The following ERAP1 variants were observed in gnomAD, a reference collection of about 807,000 sequenced individuals.
ERAP1 encodes adipocyte-derived leucine aminopeptidase.
A neutral mutation model predicts 103.7 loss-of-function variants in ERAP1; 86 were observed. That is an observed-to-expected ratio of 0.83 (90% confidence interval 0.70 to 0.99). ERAP1 has a LOEUF of 0.99. Among genes scored for constraint, ERAP1 ranks in the 50% least tolerant of loss-of-function variants. The pLI is 0.00. For synonymous variants in ERAP1, 398 were observed against 402.4 expected, an observed-to-expected ratio of 0.99 and a Z score of 0.13; for missense variants, 1,009 against 1,128.4, an observed-to-expected ratio of 0.89 and a Z score of 1.52.
At chr5:96,918,195 T>C in the ERAP1 span, 1 of 152,376 alleles carries the variant, frequency 6.6e-6, no homozygotes, top group Non-Finnish European at 1.5e-5. Flanking sequence ...TATGTGGAGA[T>C]ACAGACATAG....
At chr5:96,886,166 A>C in the ERAP1 span, among the ~76,000 whole-genome samples, 4 of 152,194 alleles carry the variant, frequency 2.6e-5, no homozygotes, top group African/African-American at 7.2e-5. Context: ...CTGAGAAACA[A>C]CACCAACCTC....
At chr5:96,858,216 TC>T in the ERAP1 span, among the ~76,000 whole-genome samples, 573 of 145,536 alleles carry the variant, frequency 3.9e-3, 3 homozygotes, top group Non-Finnish European at 5.3e-3. Context: ...TTGTTCTTCT[TC>T]TTTTTTTTTT....
the ERAP1 span, among the ~76,000 whole-genome samples, chr5:96,856,349 A>AAAAAAATATATATATAT: frequency 1.2e-4 from 1 of 8,538 alleles, no homozygotes; most frequent in African/African-American, 3.6e-4. Flanking sequence ...AAAAAAAAAA[A>AAAAAAATATATATATAT]ATATATATAT....
the ERAP1 span, among the ~76,000 whole-genome samples, chr5:96,908,658 C>T: frequency 8.5e-5 from 13 of 152,142 alleles, no homozygotes. Context: ...TAACCTTTTG[C>T]TATGTGGTAG....
chr5:96,886,607 G>A, the ERAP1 span: 5 of 1,440,608 alleles, frequency 3.5e-6, no homozygotes, highest in South Asian at 6.4e-5. Context: ...GCATGGTTAT[G>A]AAATACTCCA....
At chr5:96,881,575 G>A in the ERAP1 span, 1 of 441,424 alleles carries the variant, frequency 2.3e-6, no homozygotes, top group Non-Finnish European at 4.6e-6. Context: ...AACCACACAG[G>A]GGCATATTTT....
the ERAP1 span, chr5:96,912,713 C>G: frequency 1.2e-4 from 193 of 1,604,516 alleles, no homozygotes; most frequent in Non-Finnish European, 1.5e-4. Context: ...CCTTTTAGAG[C>G]AATATGAACT....
chr5:96,794,055 C>G, intron 5 of ERAP1, 98 bp from the exon 6 acceptor site: 1 of 1,223,174 alleles, frequency 8.2e-7, no homozygotes, highest in Non-Finnish European at 1.2e-6. Context: ...ACCAGCTGCC[C>G]GTGCATAATC....
chr5:96,807,310 C>A (rs1177344577), intron 1 of ERAP1, among the ~76,000 whole-genome samples: 1 of 152,222 alleles, frequency 6.6e-6, no homozygotes, highest in East Asian at 1.9e-4. Context: ...CTTAAGAACA[C>A]ACACGGCCCG....
At chr5:96,878,213 A>G in the ERAP1 span, among the ~76,000 whole-genome samples, 1 of 119,240 alleles carries the variant, frequency 8.4e-6, no homozygotes, top group African/African-American at 3.3e-5. Flanking sequence ...GTGTAAAGGG[A>G]AAAGAACCGA....
At chr5:96,887,101 A>ATG in the ERAP1 span, among the ~76,000 whole-genome samples, 2 of 21,566 alleles carry the variant, frequency 9.3e-5, no homozygotes, top group Non-Finnish European at 1.9e-4. Context: ...ATATATATAT[A>ATG]CACACACACA....
the ERAP1 span, among the ~76,000 whole-genome samples, chr5:96,914,723 G>A: frequency 6.6e-6 from 1 of 152,058 alleles, no homozygotes; most frequent in Non-Finnish European, 1.5e-5. Flanking sequence ...TAAAACATTG[G>A]GTTGAAGGAT....
upstream of ERAP1, chr5:96,807,977 C>T (rs947677049): frequency 3.0e-6 from 3 of 985,666 alleles, no homozygotes; most frequent in South Asian, 1.4e-4. Flanking sequence ...TGGCGCTGAG[C>T]GGCGCTTCGG....
chr5:96,786,789 C>T, intron 11 of ERAP1: 1 of 476,380 alleles, frequency 2.1e-6, no homozygotes, highest in South Asian at 2.2e-5. Flanking sequence ...TCACGTGAAC[C>T]CTGAAAGCCT....
At chr5:96,809,348 T>C (rs556224885), upstream of ERAP1, among the ~76,000 whole-genome samples, 1 of 152,326 alleles carries the variant, frequency 6.6e-6, no homozygotes, top group East Asian at 1.9e-4. Context: ...GGAGTTGCTC[T>C]GGTTCAAACG....
chr5:96,898,573 A>AAAC, the ERAP1 span, among the ~76,000 whole-genome samples: 1 of 24,430 alleles, frequency 4.1e-5, no homozygotes, highest in African/African-American at 1.8e-4. Flanking sequence ...ACTAAAATAC[A>AAAC]AAAAAAAAAA....
the ERAP1 span, among the ~76,000 whole-genome samples, chr5:96,914,148 T>TCTCTCA: frequency 1.4e-3 from 209 of 148,082 alleles, no homozygotes; most frequent in African/African-American, 3.8e-3. Context: ...TCTCTCTCTC[T>TCTCTCA]CACACACACA....
At chr5:96,791,804 T>C (rs762054645) in intron 8 of ERAP1, among the ~76,000 whole-genome samples, 10 of 152,322 alleles carry the variant, frequency 6.6e-5, no homozygotes, top group Admixed American at 4.6e-4. Context: ...TGTTGAATGA[T>C]GAATAAAAGC....
the ERAP1 span, among the ~76,000 whole-genome samples, chr5:96,872,675 C>CT: frequency 1.3e-5 from 2 of 152,106 alleles, no homozygotes; most frequent in Non-Finnish European, 2.9e-5. Flanking sequence ...TATGAATTGT[C>CT]TTTCATATAT....
Sources: gnomAD v4.1 joint callset for allele counts (sites outside exome capture counted in the v4.1 genomes callset) on GRCh38, gnomAD v4.1.1 for gene constraint, MANE v1.5 for transcripts, NCBI Gene and HGNC (gene_info 2026-07-23, HGNC 2026-07-21) for gene names.